GRIN2A: variants seen among roughly 807,000 people sequenced by gnomAD.
GRIN2A encodes glutamate receptor ionotropic, NMDA 2A.
In GRIN2A, 22 loss-of-function variants were observed where a neutral mutation model predicts 113.4. The ratio of observed to expected loss-of-function variants is 0.19; its 90% CI spans 0.14 to 0.28. GRIN2A has a LOEUF of 0.28. Ranked by LOEUF, GRIN2A falls within the 10% of genes least tolerant of loss-of-function variation. GRIN2A has a pLI of 1.00. For missense variants in GRIN2A, 1,502 were observed against 1,887.0 expected (o/e 0.80, Z 3.78); for synonymous variants, 827 against 738.4 (o/e 1.12, Z -1.94).
intron 5 of GRIN2A, among the ~76,000 whole-genome samples, chr16:9,844,814 C>G (rs2042743320): frequency 2.0e-5 from 3 of 152,174 alleles, no homozygotes; most frequent in Admixed American, 2.0e-4. Context: ...CCATTTCTCG[C>G]TACACATCAG....
intron 2 of GRIN2A, among the ~76,000 whole-genome samples, chr16:9,981,275 C>T (rs1270682900): frequency 6.6e-6 from 1 of 152,222 alleles, no homozygotes; most frequent in Non-Finnish European, 1.5e-5. Context: ...AATCATGTCT[C>T]AAGGTAATTG....
At chr16:9,904,965 T>G (rs745492952) in intron 3 of GRIN2A, among the ~76,000 whole-genome samples, 1 of 152,206 alleles carries the variant, frequency 6.6e-6, no homozygotes, top group East Asian at 1.9e-4. Context: ...TCCTTTGGCA[T>G]GAAAATTTCA....
At chr16:9,774,964 A>G (rs1029405905) in intron 11 of GRIN2A, among the ~76,000 whole-genome samples, 2 of 152,212 alleles carry the variant, frequency 1.3e-5, no homozygotes, top group African/African-American at 2.4e-5. Context: ...TCTTATATCC[A>G]AAGTAAGAGA....
chr16:9,882,623 C>T (rs2043503329), intron 4 of GRIN2A, among the ~76,000 whole-genome samples: 1 of 151,936 alleles, frequency 6.6e-6, no homozygotes, highest in Admixed American at 6.6e-5. Context: ...CTTGTGTCTG[C>T]AAAAGAAATA....
intron 2 of GRIN2A, among the ~76,000 whole-genome samples, chr16:10,097,942 G>A (rs148902462): frequency 2.0e-5 from 3 of 152,188 alleles, no homozygotes; most frequent in Non-Finnish European, 4.4e-5. Flanking sequence ...ACAAATAGGC[G>A]GTACTTAATT....
intron 4 of GRIN2A, among the ~76,000 whole-genome samples, chr16:9,872,698 T>C (rs2043289700): frequency 6.6e-6 from 1 of 152,058 alleles, no homozygotes; most frequent in Non-Finnish European, 1.5e-5. Flanking sequence ...CTGGAGGCCA[T>C]GATCATAAGT....
chr16:10,040,099 T>TGC (rs2047130589), intron 2 of GRIN2A, among the ~76,000 whole-genome samples: 6 of 5,326 alleles, frequency 1.1e-3, no homozygotes, highest in Non-Finnish European at 2.5e-3. Context: ...ACAAATACAC[T>TGC]ACACACATCC....
chr16:10,016,229 G>C (rs1037923423), intron 2 of GRIN2A, among the ~76,000 whole-genome samples: 1 of 152,118 alleles, frequency 6.6e-6, no homozygotes, highest in Non-Finnish European at 1.5e-5. Flanking sequence ...CAATGGTGCA[G>C]TGGAGTGGGG....
At chr16:9,843,737 TG>T (rs138594069) in intron 5 of GRIN2A, among the ~76,000 whole-genome samples, 1 of 151,932 alleles carries the variant, frequency 6.6e-6, no homozygotes, top group East Asian at 1.9e-4. Flanking sequence ...CCACCCTTAG[TG>T]GGGGGGTAGT....
At chr16:9,902,940 GTTT>G (rs34185441) in intron 3 of GRIN2A, among the ~76,000 whole-genome samples, 38 of 50,628 alleles carry the variant, frequency 7.5e-4, no homozygotes, top group Middle Eastern at 0.037. Flanking sequence ...TCTTGGTTCT[GTTT>G]TTTTTTTTTT....
intron 2 of GRIN2A, chr16:10,112,176 G>C: frequency 3.4e-6 from 2 of 585,964 alleles, no homozygotes. Flanking sequence ...CACCTGGGTA[G>C]GCATCAACGT....
intron 2 of GRIN2A, among the ~76,000 whole-genome samples, chr16:10,177,302 C>T (rs1489221331): frequency 6.6e-6 from 1 of 152,194 alleles, no homozygotes; most frequent in Non-Finnish European, 1.5e-5. Flanking sequence ...CTTGGTATCA[C>T]CCAACTCCTC....
At position 9,839,934 on chromosome 16, in the gene GRIN2A, G is replaced by T. The variant is rs114481849; in HGVS notation, c.1651+713C>A. On this transcript the variant is annotated intron_variant, in intron 7 of 12. Transcript: ENST00000330684. ...GAGGTCAGGAGTTTGATATCAGTCTGGCCAACATGGCGAAACCCCATCTCT... is the reference window on the plus strand; with the variant it reads ...GAGGTCAGGAGTTTGATATCAGTCTTGCCAACATGGCGAAACCCCATCTCT... 5.4e-3 allele frequency among the ~76,000 whole-genome samples: 818 copies of T among 151,914 alleles called. 3 individuals carry two copies. The highest frequency in any genetic ancestry group is 0.018 in the African/African-American group (752 of 41,442).
At chr16:9,892,058 G>A (rs567252469) in intron 3 of GRIN2A, among the ~76,000 whole-genome samples, 3 of 152,086 alleles carry the variant, frequency 2.0e-5, no homozygotes, top group South Asian at 2.1e-4. Flanking sequence ...GAGAAACCCC[G>A]TCTCTACTAA....
intron 4 of GRIN2A, among the ~76,000 whole-genome samples, chr16:9,888,323 G>T (rs1407180543): frequency 1.3e-5 from 2 of 152,138 alleles, no homozygotes; most frequent in African/African-American, 2.4e-5. Context: ...CTGCTTAATG[G>T]TTTTTCATAT....
chr16:9,890,808 T>C (rs529081527), intron 4 of GRIN2A, among the ~76,000 whole-genome samples, 178 bp downstream of exon 4: 88 of 152,326 alleles, frequency 5.8e-4, no homozygotes, highest in African/African-American at 1.9e-3. Context: ...AGAGAAAGCA[T>C]TCCAATTGCA....
intron 5 of GRIN2A, among the ~76,000 whole-genome samples, chr16:9,845,779 A>T (rs1459868021): frequency 6.6e-6 from 1 of 152,014 alleles, no homozygotes; most frequent in Non-Finnish European, 1.5e-5. Flanking sequence ...AGCTAAAGTA[A>T]CCCCACATAC....
intron 11 of GRIN2A, among the ~76,000 whole-genome samples, chr16:9,772,625 C>T (rs1464255104): frequency 6.6e-6 from 1 of 152,170 alleles, no homozygotes; most frequent in African/African-American, 2.4e-5. Context: ...ACCCACCTGG[C>T]TCAGCCTCCC....
At chr16:9,782,927 A>G (rs1902014963) in intron 11 of GRIN2A, among the ~76,000 whole-genome samples, 1 of 152,208 alleles carries the variant, frequency 6.6e-6, no homozygotes, top group Non-Finnish European at 1.5e-5. Flanking sequence ...ATCTGGTCAC[A>G]GGCCAATGGA....
Sources: gnomAD v4.1 joint callset for allele counts (sites outside exome capture counted in the v4.1 genomes callset) on GRCh38, gnomAD v4.1.1 for gene constraint, MANE v1.5 for transcripts, NCBI Gene and HGNC (gene_info 2026-07-23, HGNC 2026-07-21) for gene names.